The following SLC44A1 variants were observed in gnomAD, a reference collection of about 807,000 sequenced individuals.
SLC44A1 encodes choline transporter-like protein 1.
In SLC44A1, 26 loss-of-function variants were observed where a neutral mutation model predicts 79.3. The ratio of observed to expected loss-of-function variants is 0.33; its 90% CI spans 0.24 to 0.46. The LOEUF (loss-of-function observed/expected upper bound fraction) is 0.46. SLC44A1 is among the 20% of genes least tolerant of loss of function. The pLI, the probability that SLC44A1 is intolerant of heterozygous loss-of-function variation, is 1.00. For missense variants in SLC44A1, 688 were observed against 798.1 expected (o/e 0.86, Z 1.66); for synonymous variants, 263 against 286.2 (o/e 0.92, Z 0.82).
chr9:105,373,679 G>A (rs772870673), intron 12 of SLC44A1, among the ~76,000 whole-genome samples: 6 of 152,200 alleles, frequency 3.9e-5, no homozygotes, highest in African/African-American at 7.2e-5. Context: ...CCAGGTTGAA[G>A]TACCTGGTTC....
At chr9:105,282,884 AG>A (rs759501439) in intron 1 of SLC44A1, among the ~76,000 whole-genome samples, 55 of 152,144 alleles carry the variant, frequency 3.6e-4, no homozygotes, top group Middle Eastern at 3.4e-3. Context: ...GCCAAGAAGG[AG>A]GATTTGGGGG....
rs1423331765 is a variant in SLC44A1, at chr9:105,385,450, T to C, written c.1898T>C (p.Met633Thr). 6.3e-7 allele frequency: 1 copy of C among 1,587,084 alleles called. No homozygotes were observed. The highest frequency in any genetic ancestry group is 8.6e-7 in the Non-Finnish European group (1 of 1,166,330). ...MEFVENSRKA[M>T]KEAGKGGVAD... is the part of the protein sequence containing the mutation. ...TTTGTGGAAAACAGTAGGAAAGCAATGAAAGAAGCTGGTAAGGGAGGCGTC... is the reference window on the plus strand; with the variant it reads ...TTTGTGGAAAACAGTAGGAAAGCAACGAAAGAAGCTGGTAAGGGAGGCGTC... The change falls in exon 15 of 16, where the codon ATG (methionine) becomes ACG (threonine). Residue 633 changes from methionine (M) to threonine (T), a missense_variant. Coordinates refer to ENST00000374720, the MANE Select transcript of SLC44A1 (RefSeq NM_080546.5).
At chr9:105,284,904 A>C (rs1000034634) in intron 1 of SLC44A1, among the ~76,000 whole-genome samples, 18 of 152,202 alleles carry the variant, frequency 1.2e-4, no homozygotes, top group African/African-American at 4.3e-4. Context: ...CCTCAAAAGA[A>C]ACCCCATACC....
chr9:105,372,453 A>G (rs984584794), intron 12 of SLC44A1, among the ~76,000 whole-genome samples: 1 of 151,708 alleles, frequency 6.6e-6, no homozygotes, highest in Non-Finnish European at 1.5e-5. Flanking sequence ...ACGCCCGGCT[A>G]ATTTTTTTGT....
intron 1 of SLC44A1, among the ~76,000 whole-genome samples, chr9:105,268,024 G>A (rs1324167351): frequency 6.6e-6 from 1 of 152,144 alleles, no homozygotes; most frequent in Admixed American, 6.5e-5. Flanking sequence ...AGGGAAAGAA[G>A]GTTGGGGTGG....
chr9:105,268,784 CACCGT>C (rs1406662312), intron 1 of SLC44A1, among the ~76,000 whole-genome samples: 1 of 152,204 alleles, frequency 6.6e-6, no homozygotes, highest in Non-Finnish European at 1.5e-5. Flanking sequence ...AGGCGGGTGC[CACCGT>C]ACCTGGCCAA....
intron 15 of SLC44A1, among the ~76,000 whole-genome samples, chr9:105,434,660 G>C (rs1229064040): frequency 2.6e-5 from 4 of 152,298 alleles, no homozygotes; most frequent in Non-Finnish European, 5.9e-5. Flanking sequence ...GACACAAACA[G>C]AAGATTCAGG....
rs889649643 is a variant in SLC44A1, at chr9:105,386,418, C to T, written c.1950+916C>T. ...GTGTCCCCTGACTGCATATAATGTTCAAAAGTGTGAGGTAAGGACTTTCCT... is the reference window on the plus strand; with the variant it reads ...GTGTCCCCTGACTGCATATAATGTTTAAAAGTGTGAGGTAAGGACTTTCCT... On this transcript the variant is annotated intron_variant, in intron 15 of 15. Coordinates refer to ENST00000374720, the MANE Select transcript of SLC44A1 (RefSeq NM_080546.5). 5 of 982,154 alleles carry T rather than the reference C, an allele frequency of 5.1e-6. No homozygotes were observed. In the African/African-American group the frequency reaches 8.7e-5, roughly 17 times the overall value. 60.8% of individuals were successfully genotyped at this position (982,154 alleles called of 1,614,324 possible). A position where few individuals can be genotyped will look rare whatever the true frequency, so the allele number is the denominator to read the frequency against.
chr9:105,256,922 G>C (rs1829722930), intron 1 of SLC44A1, among the ~76,000 whole-genome samples: 1 of 151,600 alleles, frequency 6.6e-6, no homozygotes, highest in Non-Finnish European at 1.5e-5. Context: ...GAGTAGCTGG[G>C]ATTACAGGTG....
chr9:105,302,186 T>C (rs1830897620), intron 2 of SLC44A1, among the ~76,000 whole-genome samples: 1 of 152,182 alleles, frequency 6.6e-6, no homozygotes, highest in Admixed American at 6.5e-5. Context: ...CTTTCATCAC[T>C]ATTTTGGAAT....
At chr9:105,268,188 T>C (rs1410328531) in intron 1 of SLC44A1, among the ~76,000 whole-genome samples, 1 of 152,138 alleles carries the variant, frequency 6.6e-6, no homozygotes, top group African/African-American at 2.4e-5. Flanking sequence ...AATGAATCCT[T>C]CATTTTTAGC....
chr9:105,351,663 AAAGAAAGAAAG>A, intron 5 of SLC44A1, among the ~76,000 whole-genome samples: 1 of 150,960 alleles, frequency 6.6e-6, no homozygotes, highest in Non-Finnish European at 1.5e-5. Flanking sequence ...AGAAAGAAAG[AAAGAAAGAAAG>A]AACCAAGAAA....
chr9:105,433,628 G>A (rs1194934635), intron 15 of SLC44A1, among the ~76,000 whole-genome samples: 4 of 79,592 alleles, frequency 5.0e-5, no homozygotes, highest in Admixed American at 1.7e-4. Flanking sequence ...CTCCCCCGCC[G>A]CCCCTGCTTC....
chr9:105,261,994 G>A (rs1338435194), intron 1 of SLC44A1, among the ~76,000 whole-genome samples: 4 of 151,416 alleles, frequency 2.6e-5, no homozygotes, highest in Admixed American at 1.3e-4. Flanking sequence ...CATGTTGATC[G>A]GGTGGTCTCG....
At chr9:105,258,952 G>T (rs1829778115) in intron 1 of SLC44A1, among the ~76,000 whole-genome samples, 2 of 151,566 alleles carry the variant, frequency 1.3e-5, no homozygotes, top group Non-Finnish European at 2.9e-5. Context: ...TGATCCGCCC[G>T]CCTAGGCCTC....
rs1026513376 is a variant in SLC44A1, at chr9:105,393,548, C to T, written c.*4492C>T. 2.9e-5 allele frequency: 27 copies of T among 922,602 alleles called. No homozygotes were observed. Among genetic ancestry groups the T allele is most frequent in the Middle Eastern group, 5.5e-4 (1 of 1,820 alleles). 57.2% of individuals were successfully genotyped at this position (922,602 alleles called of 1,614,324 possible). A position where few individuals can be genotyped will look rare whatever the true frequency, so the allele number is the denominator to read the frequency against. On this transcript the variant is annotated 3_prime_UTR_variant, in exon 16 of 16. Coordinates refer to ENST00000374720, the MANE Select transcript of SLC44A1 (RefSeq NM_080546.5). ...CCAAGATTTAAATCTTTGAAAATATCTTTCTTATAGAAAACTTTAATGCAG... is the reference window on the plus strand; with the variant it reads ...CCAAGATTTAAATCTTTGAAAATATTTTTCTTATAGAAAACTTTAATGCAG...
intron 3 of SLC44A1, among the ~76,000 whole-genome samples, chr9:105,317,963 G>A (rs533647871): frequency 1.6e-4 from 25 of 152,180 alleles, no homozygotes; most frequent in African/African-American, 5.8e-4. Context: ...TTGAGGGAAA[G>A]CACTCCTCTC....
intron 15 of SLC44A1, among the ~76,000 whole-genome samples, chr9:105,433,319 A>G (rs1272873358): frequency 6.6e-6 from 1 of 152,012 alleles, no homozygotes. Flanking sequence ...AAACAAACAA[A>G]AAACTTTCGC....
chr9:105,356,316 A>G lies in SLC44A1; in HGVS notation c.605A>G (p.His202Arg). Reference sequence around the variant, plus strand: ...TTTGTCAGTGACAATAGTGTCTTACACAGGCTGATTAGTGGAGTAATGACC... The same window carrying G: ...TTTGTCAGTGACAATAGTGTCTTACGCAGGCTGATTAGTGGAGTAATGACC... ...ITFVSDNSVL[H>R]RLISGVMTSK... The change falls in exon 6 of 16, where the codon CAC becomes CGC. Residue 202 changes from histidine to arginine, a missense_variant. By Grantham distance (29) the His-to-Arg change is conservative. Coordinates refer to ENST00000374720, the MANE Select transcript of SLC44A1 (RefSeq NM_080546.5). 1 of 1,612,476 alleles carries G rather than the reference A, an allele frequency of 6.2e-7. No homozygotes were observed. The highest frequency in any genetic ancestry group is 8.5e-7 in the Non-Finnish European group (1 of 1,178,802).
Sources: allele counts gnomAD v4.1 joint callset (sites outside exome capture counted in the v4.1 genomes callset), GRCh38; gene constraint gnomAD v4.1.1; transcripts MANE v1.5; gene names NCBI Gene and HGNC (gene_info 2026-07-23, HGNC 2026-07-21).